The following CNIH3 variants were observed in gnomAD, a reference collection of about 807,000 sequenced individuals.
The protein encoded by CNIH3 is cornichon family AMPA receptor auxiliary protein 3.
Under a neutral mutation model 24.1 loss-of-function variants are expected in CNIH3, and 14 were observed. That is an observed-to-expected ratio of 0.58 (90% CI 0.38 to 0.91). The LOEUF is 0.91. CNIH3 is among the 40% of genes least tolerant of loss of function. CNIH3 has a pLI of 0.00. For synonymous variants in CNIH3, 68 were observed against 73.8 expected, an observed-to-expected ratio of 0.92 and a Z score of 0.40; for missense variants, 178 against 196.8, an observed-to-expected ratio of 0.90 and a Z score of 0.57.
At chr1:224,561,975 C>T (rs116654073) in intron 3 of CNIH3, among the ~76,000 whole-genome samples, 1 of 152,152 alleles carries the variant, frequency 6.6e-6, no homozygotes, top group Non-Finnish European at 1.5e-5. Flanking sequence ...TTGTGCCTAA[C>T]AATGTAGAGG....
intron 2 of CNIH3, chr1:224,521,479 T>C (rs1161142979): frequency 1.3e-5 from 2 of 152,158 alleles, no homozygotes; most frequent in Admixed American, 6.6e-5. Context: ...TGGGTTTTCT[T>C]TGGGTGTGAA....
chr1:224,700,403 A>G (rs1687421719), intron 3 of CNIH3, among the ~76,000 whole-genome samples: 1 of 152,228 alleles, frequency 6.6e-6, no homozygotes, highest in African/African-American at 2.4e-5. Flanking sequence ...TCAGTCTGCA[A>G]CAGGATCTCT....
chr1:224,477,927 T>C (rs1158405179), intron 1 of CNIH3, among the ~76,000 whole-genome samples: 1 of 152,224 alleles, frequency 6.6e-6, no homozygotes, highest in East Asian at 1.9e-4. Flanking sequence ...GATTTTTTTT[T>C]CCAGATATAC....
chr1:224,588,048 T>C (rs1419200246), intron 5 of CNIH3, among the ~76,000 whole-genome samples: 2 of 152,192 alleles, frequency 1.3e-5, no homozygotes, highest in African/African-American at 4.8e-5. Flanking sequence ...TTAGTTACAG[T>C]ATCTAAATGT....
At chr1:224,687,746 G>A (rs545715311) in intron 3 of CNIH3, among the ~76,000 whole-genome samples, 4 of 152,162 alleles carry the variant, frequency 2.6e-5, no homozygotes, top group Admixed American at 6.5e-5. Context: ...ACACTGAGAC[G>A]GTGGGAGTTG....
intron 1 of CNIH3, among the ~76,000 whole-genome samples, chr1:224,621,047 G>T (rs184415802): frequency 6.6e-6 from 1 of 152,322 alleles, no homozygotes; most frequent in African/African-American, 2.4e-5. Context: ...CAAAGATTCA[G>T]TACTGAATTT....
intron 3 of CNIH3, among the ~76,000 whole-genome samples, chr1:224,719,971 G>A (rs1410136751): frequency 1.3e-5 from 2 of 152,178 alleles, no homozygotes; most frequent in Non-Finnish European, 2.9e-5. Context: ...AACCCCCTCT[G>A]CCTGGGCCAC....
At chr1:224,681,113 G>T in intron 2 of CNIH3, 87 bp downstream of exon 2, 1 of 1,119,598 alleles carries the variant, frequency 8.9e-7, no homozygotes, top group Non-Finnish European at 1.4e-6. Context: ...TGAATGATTT[G>T]AATGCGTAAA....
intron 4 of CNIH3, among the ~76,000 whole-genome samples, chr1:224,581,265 G>A (rs2125014348): frequency 6.6e-6 from 1 of 152,100 alleles, no homozygotes; most frequent in East Asian, 1.9e-4. Context: ...GGTTTTTTTG[G>A]AGAGATTGGA....
intron 1 of CNIH3, among the ~76,000 whole-genome samples, chr1:224,439,466 C>T (rs940479156): frequency 2.6e-5 from 4 of 151,770 alleles, no homozygotes; most frequent in Admixed American, 1.3e-4. Context: ...GAAACGAGAT[C>T]ATTCTTTTCC....
chr1:224,613,835 G>A (rs969580026), upstream of CNIH3, among the ~76,000 whole-genome samples: 1 of 152,042 alleles, frequency 6.6e-6, no homozygotes, highest in East Asian at 1.9e-4. Context: ...GCAGAACGGT[G>A]AGCCAATTGA....
At chr1:224,444,430 C>T (rs1675057888) in intron 1 of CNIH3, among the ~76,000 whole-genome samples, 1 of 152,068 alleles carries the variant, frequency 6.6e-6, no homozygotes, top group Non-Finnish European at 1.5e-5. Flanking sequence ...AGTGCAGTGG[C>T]TCACTGCAAC....
chr1:224,740,314 G>A lies in CNIH3; in HGVS notation c.*958G>A, dbSNP rs1236181286. On this transcript the variant is annotated 3_prime_UTR_variant, in exon 6 of 6. Transcript: ENST00000272133. Reference sequence around the variant, plus strand: ...ATTTTCCGTTTGGCATTCTCTTTTGGGTGGGAGTTATGCTGGGGGTTGTAA... The same window carrying A: ...ATTTTCCGTTTGGCATTCTCTTTTGAGTGGGAGTTATGCTGGGGGTTGTAA... 1.3e-5 allele frequency: 2 copies of A among 152,152 alleles called. No individual in the cohort carries two copies. Among genetic ancestry groups the A allele is most frequent in the African/African-American group, 4.8e-5 (2 of 41,426 alleles). 9.4% of individuals were successfully genotyped at this position (152,152 alleles called of 1,614,324 possible).
At chr1:224,474,479 A>G (rs997432725) in intron 1 of CNIH3, among the ~76,000 whole-genome samples, 6 of 152,156 alleles carry the variant, frequency 3.9e-5, no homozygotes, top group African/African-American at 1.2e-4. Context: ...TATGGGTATC[A>G]GTGCCTACAT....
chr1:224,649,409 G>A (rs1246699628), intron 1 of CNIH3, among the ~76,000 whole-genome samples: 1 of 152,150 alleles, frequency 6.6e-6, no homozygotes, highest in Non-Finnish European at 1.5e-5. Flanking sequence ...ACCCATTTTG[G>A]ACTTCTGACC....
At chr1:224,687,200 C>T (rs1034856637) in intron 3 of CNIH3, among the ~76,000 whole-genome samples, 1 of 152,214 alleles carries the variant, frequency 6.6e-6, no homozygotes, top group African/African-American at 2.4e-5. Context: ...CACCTCTTCA[C>T]TAACTCAAGG....
intron 1 of CNIH3, among the ~76,000 whole-genome samples, chr1:224,638,736 T>G (rs1368630759): frequency 6.6e-6 from 1 of 152,172 alleles, no homozygotes; most frequent in Non-Finnish European, 1.5e-5. Context: ...GGCCACGGGA[T>G]CTCTCCAACA....
At chr1:224,651,043 A>G (rs57257659) in intron 1 of CNIH3, among the ~76,000 whole-genome samples, 2,911 of 149,816 alleles carry the variant, frequency 0.019, 74 homozygotes, top group African/African-American at 0.065. Flanking sequence ...AGTGAAAGTG[A>G]GAAACAGAAA....
chr1:224,526,703 T>G (rs529521446), intron 2 of CNIH3, among the ~76,000 whole-genome samples: 1 of 152,358 alleles, frequency 6.6e-6, no homozygotes, highest in South Asian at 2.1e-4. Flanking sequence ...TCGGTCATTC[T>G]TTCATTGCTA....
Sources: gnomAD v4.1 joint callset for allele counts (sites outside exome capture counted in the v4.1 genomes callset) on GRCh38, gnomAD v4.1.1 for gene constraint, MANE v1.5 for transcripts, NCBI Gene and HGNC (gene_info 2026-07-23, HGNC 2026-07-21) for gene names.